The following ANKRD44 variants were observed in gnomAD, a reference collection of about 807,000 sequenced individuals.
ANKRD44 encodes the protein serine/threonine-protein phosphatase 6 regulatory ankyrin repeat subunit B.
ANKRD44 carries 35 observed loss-of-function variants against 116.0 expected under a neutral mutation model. That is an observed-to-expected ratio of 0.30 (90% CI 0.23 to 0.40). The LOEUF (loss-of-function observed/expected upper bound fraction) is 0.40, where lower values mean the gene tolerates loss of function less well. ANKRD44 is among the 10% of genes least tolerant of loss of function. The pLI is 1.00. For missense variants in ANKRD44, 1,014 were observed against 1,242.6 expected, an observed-to-expected ratio of 0.82 and a Z score of 2.77; for synonymous variants, 435 against 461.8, an observed-to-expected ratio of 0.94 and a Z score of 0.74.
chr2:197,054,777 T>C (rs1448698487), intron 16 of ANKRD44, among the ~76,000 whole-genome samples: 2 of 152,198 alleles, frequency 1.3e-5, no homozygotes, highest in Non-Finnish European at 2.9e-5. Context: ...TCCTAGTAAC[T>C]CTTTGGCTAA....
At chr2:197,105,434 C>T (rs1188405849) in intron 9 of ANKRD44, among the ~76,000 whole-genome samples, 1 of 151,944 alleles carries the variant, frequency 6.6e-6, no homozygotes, top group African/African-American at 2.4e-5. Context: ...ATGAATTGTC[C>T]AGATAATAGA....
chr2:197,030,464 T>C (rs1209300436), intron 16 of ANKRD44, among the ~76,000 whole-genome samples: 1 of 151,862 alleles, frequency 6.6e-6, no homozygotes, highest in Admixed American at 6.6e-5. Flanking sequence ...GCCGTGTGGA[T>C]CAAGCCAAAA....
intron 1 of ANKRD44, among the ~76,000 whole-genome samples, chr2:197,199,833 A>C (rs2081053508): frequency 6.6e-6 from 1 of 152,212 alleles, no homozygotes; most frequent in South Asian, 2.1e-4. Context: ...CATTTCTCTT[A>C]ATAACTATAT....
intron 17 of ANKRD44, chr2:197,016,163 T>C (rs1176409285): frequency 6.6e-6 from 2 of 302,046 alleles, no homozygotes; most frequent in Admixed American, 4.3e-5. Flanking sequence ...TCAGAAAAGT[T>C]ACCGCAGCTT....
chr2:197,001,256 T>C (rs1250588475), intron 22 of ANKRD44, among the ~76,000 whole-genome samples: 2 of 152,224 alleles, frequency 1.3e-5, no homozygotes, highest in African/African-American at 2.4e-5. Flanking sequence ...ACTATGGAAG[T>C]CTGACTTAAA....
At chr2:197,104,124 T>C (rs774270961) in intron 9 of ANKRD44, among the ~76,000 whole-genome samples, 33 of 152,144 alleles carry the variant, frequency 2.2e-4, no homozygotes, top group African/African-American at 7.7e-4. Flanking sequence ...CTTTAGTAAC[T>C]TTTTTCTTTT....
At chr2:197,217,024 C>A (rs1485325662) in intron 1 of ANKRD44, among the ~76,000 whole-genome samples, 1 of 152,126 alleles carries the variant, frequency 6.6e-6, no homozygotes, top group Non-Finnish European at 1.5e-5. Flanking sequence ...GACAAAATCA[C>A]CAGCACTCTA....
intron 1 of ANKRD44, among the ~76,000 whole-genome samples, chr2:197,295,922 G>GT (rs2083708334): frequency 6.6e-6 from 1 of 152,046 alleles, no homozygotes; most frequent in Non-Finnish European, 1.5e-5. Context: ...TGGCATGGAG[G>GT]TACATGCCTG....
At chr2:197,075,225 T>C (rs1051029981) in intron 16 of ANKRD44, among the ~76,000 whole-genome samples, 2 of 152,226 alleles carry the variant, frequency 1.3e-5, no homozygotes, top group Admixed American at 6.5e-5. Context: ...AAGATCTTTA[T>C]GTTCATGGAC....
At chr2:197,016,005 G>A in intron 17 of ANKRD44, 1 of 537,914 alleles carries the variant, frequency 1.9e-6, no homozygotes, top group Non-Finnish European at 3.7e-6. Flanking sequence ...TATGGTAGCA[G>A]AAGTTTCTAA....
At chr2:197,268,781 T>C (rs1039035313) in intron 1 of ANKRD44, among the ~76,000 whole-genome samples, 4 of 152,208 alleles carry the variant, frequency 2.6e-5, no homozygotes, top group African/African-American at 9.6e-5. Context: ...TCATATGCCC[T>C]GCCTTCACTC....
rs752862706 is a variant in ANKRD44 at position 197,013,600 on chromosome 2, T to C, written c.1835A>G (p.His612Arg). 6.2e-7 allele frequency: 1 copy of C among 1,614,214 alleles called. No homozygotes were observed. Among genetic ancestry groups the C allele is most frequent in the Non-Finnish European group, 8.5e-7 (1 of 1,180,040 alleles). Residue 612 changes from histidine to arginine, a missense_variant, in exon 18 of 28, where the codon CAC becomes CGC. His to Arg is a conservative substitution (Grantham distance 29). Transcript: ENST00000282272. ...GATAAGCGCTTCCACACATTCTGTG[T>C]GTCCTTTAAAGGCAGCCAGATCCAG... The part of the protein sequence containing the change: ...TALDLAAFKG[H>R]TECVEALINQ...
chr2:196,971,985 G>A (rs566259475), intron 21 of ANKRD44, among the ~76,000 whole-genome samples: 1 of 152,302 alleles, frequency 6.6e-6, no homozygotes, highest in East Asian at 1.9e-4. Flanking sequence ...CGCCACCACT[G>A]CAAACACCTC....
At chr2:197,129,827 G>A (rs948843821) in intron 4 of ANKRD44, among the ~76,000 whole-genome samples, 14 of 152,230 alleles carry the variant, frequency 9.2e-5, no homozygotes, top group Admixed American at 9.1e-4. Flanking sequence ...TTGCATTTCA[G>A]TGGTCATAAA....
intron 27 of ANKRD44, chr2:196,990,792 T>C (rs2075900822): frequency 4.1e-6 from 5 of 1,232,210 alleles, no homozygotes; most frequent in South Asian, 4.1e-5. Context: ...CCTGCTCAAA[T>C]TGTCTTTTTT....
chr2:197,275,965 A>T (rs1574421986), intron 1 of ANKRD44, among the ~76,000 whole-genome samples: 1 of 152,282 alleles, frequency 6.6e-6, no homozygotes, highest in East Asian at 1.9e-4. Context: ...TGAGGGAAGG[A>T]TGTAATGTAT....
Position 196,986,727 on chromosome 2 carries a change from T to C in ANKRD44, c.*2864A>G, listed in dbSNP as rs939835919. The C allele has an allele frequency of 1.0e-6, 1 of 978,974 alleles. No individual in the cohort carries two copies. 60.6% of individuals were successfully genotyped at this position (978,974 alleles called of 1,614,324 possible). On this transcript the variant is annotated 3_prime_UTR_variant, in exon 28 of 28. Transcript: ENST00000282272. ...CATCTGAATGCATTTCCATAGTATA[T>C]TACAGTTAAGTACTTCATTACGTTA...
At chr2:197,040,152 T>A (rs980307753) in intron 16 of ANKRD44, among the ~76,000 whole-genome samples, 1 of 149,884 alleles carries the variant, frequency 6.7e-6, no homozygotes, top group African/African-American at 2.5e-5. Context: ...GGCAGGAGAA[T>A]CACTTGAACC....
intron 10 of ANKRD44, among the ~76,000 whole-genome samples, chr2:197,094,358 C>A (rs2125196438): frequency 6.6e-6 from 1 of 152,116 alleles, no homozygotes; most frequent in East Asian, 1.9e-4. Flanking sequence ...CTGTAAGGAC[C>A]CATTGAGATA....
Sources: gnomAD v4.1 joint callset for allele counts (sites outside exome capture counted in the v4.1 genomes callset) on GRCh38, gnomAD v4.1.1 for gene constraint, MANE v1.5 for transcripts, NCBI Gene and HGNC (gene_info 2026-07-23, HGNC 2026-07-21) for gene names.